CEP68: variants seen among roughly 807,000 people sequenced by gnomAD.
CEP68 encodes centrosomal protein 68, also known as centrosomal protein of 68 kDa.
Under a neutral mutation model 55.3 loss-of-function variants are expected in CEP68, and 26 were observed. That is an observed-to-expected ratio of 0.47 (90% CI 0.34 to 0.65). The LOEUF is 0.65. CEP68 is among the 30% of genes least tolerant of loss of function. CEP68 has a pLI of 0.01. For missense variants in CEP68, 957 were observed against 946.7 expected (o/e 1.01, Z -0.14); for synonymous variants, 402 against 383.2 (o/e 1.05, Z -0.57).
intron 3 of CEP68, chr2:65,073,948 G>A (rs556265860): frequency 6.5e-5 from 15 of 230,954 alleles, no homozygotes; most frequent in African/African-American, 1.4e-4. Context: ...AAACATGGAC[G>A]TATCTGGCTC....
rs1676359082 is a variant in CEP68 at position 65,069,592 on chromosome 2, G to A, written c.148G>A (p.Gly50Arg). Residue 50 changes from glycine (G) to arginine (R), a missense_variant, in exon 2 of 7, where the codon GGG becomes AGG. By Grantham distance (125) the Gly-to-Arg change is moderately radical. Transcript: ENST00000377990. ...GCCCCCACGCCTGGAAGCTGAGGGA[G>A]GGCTCATCTCCCCTGTATGGGGGGC... Reference protein sequence around the residue: ...EQPPRLEAEGGLISPVWGAEG... With the variant: ...EQPPRLEAEGRLISPVWGAEG... 6.2e-7 allele frequency: 1 copy of A among 1,613,818 alleles called. No homozygotes were observed. Among genetic ancestry groups the A allele is most frequent in the African/African-American group, 1.3e-5 (1 of 74,930 alleles).
At chr2:65,075,236 G>A (rs1435024059) in intron 4 of CEP68, 1 of 149,248 alleles carries the variant, frequency 6.7e-6, no homozygotes, top group Admixed American at 6.7e-5. Context: ...GGGCAATATA[G>A]TGAGACCTCG....
chr2:65,073,462 G>C, intron 3 of CEP68: 1 of 223,244 alleles, frequency 4.5e-6, no homozygotes, highest in Non-Finnish European at 9.0e-6. Context: ...CTGTTGCCTA[G>C]ACTTTGTGGC....
chr2:65,069,394 T>C lies in CEP68; in HGVS notation c.-46-5T>C, dbSNP rs1470673272. The C allele has an allele frequency of 7.4e-7, 1 of 1,354,686 alleles. No homozygotes were observed. The highest frequency in any genetic ancestry group is 1.0e-6 in the Non-Finnish European group (1 of 1,004,646). 83.9% of individuals were successfully genotyped at this position (1,354,686 alleles called of 1,614,324 possible). The stretch of plus-strand genomic sequence containing the variant: ...TATTTTTCTCTCCCTTCCCCTGTTT[T>C]GTAGGAAGCTGAAGTCTTCAGCAGA... On this transcript the variant is annotated splice_region_variant and splice_polypyrimidine_tract_variant and intron_variant, in intron 1 of 6. Transcript: ENST00000377990.
chr2:65,069,227 G>C (rs1676340810), intron 1 of CEP68, among the ~76,000 whole-genome samples, 172 bp from the exon 2 acceptor site: 1 of 152,234 alleles, frequency 6.6e-6, no homozygotes, highest in South Asian at 2.1e-4. Context: ...CCTTTGGAAA[G>C]GTCTGGGGCC....
chr2:65,075,775 AAGG>A (rs1405690779), intron 4 of CEP68, among the ~76,000 whole-genome samples: 1 of 152,174 alleles, frequency 6.6e-6, no homozygotes, highest in Non-Finnish European at 1.5e-5. Flanking sequence ...GCTAGTCTGG[AAGG>A]AGTTTTCTAA....
intron 1 of CEP68, among the ~76,000 whole-genome samples, chr2:65,058,191 C>CT (rs529296146): frequency 1.4e-4 from 21 of 152,264 alleles, no homozygotes; most frequent in African/African-American, 4.3e-4. Flanking sequence ...CAGGATCTCT[C>CT]TGTTTTTTGG....
In CEP68 at chr2:65,074,031, G is replaced by T. The variant is rs1037242007; in HGVS notation, c.1885-251G>T. 107 of 441,804 alleles carry T rather than the reference G, an allele frequency of 2.4e-4. 1 individual carries two copies. The highest frequency in any genetic ancestry group is 1.8e-4 in the Non-Finnish European group (44 of 241,232). The allele number at this position is 441,804 out of a possible 1,614,324, so 27.4% of individuals were successfully genotyped here. ...TCCATGGCAGGCACGCCTCTTCTGG[G>T]CTGCTCCATTCCTACCTGCAAGGCT... is the stretch of plus-strand genomic sequence containing the variant. On this transcript the variant is annotated intron_variant, in intron 3 of 6. Transcript: ENST00000377990.
intron 5 of CEP68, among the ~76,000 whole-genome samples, chr2:65,080,886 G>A (rs1038224877): frequency 6.6e-6 from 1 of 151,954 alleles, no homozygotes; most frequent in African/African-American, 2.4e-5. Flanking sequence ...CTGTGACATC[G>A]CACAAGAAGA....
intron 1 of CEP68, among the ~76,000 whole-genome samples, chr2:65,058,028 T>C (rs1172673219): frequency 6.6e-6 from 1 of 152,212 alleles, no homozygotes; most frequent in Non-Finnish European, 1.5e-5. Flanking sequence ...GTTATTAGGA[T>C]TAAATAAGAT....
At position 65,084,675 on chromosome 2, in the gene CEP68, CACAGTA is replaced by C. The variant is rs1668977123; in HGVS notation, c.*1045_*1050del. 1 of 152,144 alleles carries C rather than the reference CACAGTA, an allele frequency of 6.6e-6. No individual in the cohort carries two copies. The highest frequency in any genetic ancestry group is 6.6e-5 in the Admixed American group (1 of 15,262). The allele number at this position is 152,144 out of a possible 1,614,324, so 9.4% of individuals were successfully genotyped here. On this transcript the variant is annotated 3_prime_UTR_variant, in exon 7 of 7. Coordinates refer to ENST00000377990, the MANE Select transcript of CEP68 (RefSeq NM_015147.3). ...ATGAATGAACCTGGAAGGAGGAAAG[CACAGTA>C]ACAATGGAAACTAAAGTCCTATTAT...
intron 1 of CEP68, 45 bp downstream of exon 1, chr2:65,056,573 G>C (rs919796787): frequency 6.6e-6 from 1 of 150,396 alleles, no homozygotes; most frequent in East Asian, 2.0e-4. Flanking sequence ...GGGGTGCCGC[G>C]GCGCTGGGGG....
At chr2:65,069,330 A>G in intron 1 of CEP68, 69 bp from the exon 2 acceptor site, 1 of 839,170 alleles carries the variant, frequency 1.2e-6, no homozygotes, top group Non-Finnish European at 1.8e-6. Context: ...CTTAATTGTT[A>G]AAGAGCAAGA....
At chr2:65,074,767 C>A (rs181107141) in intron 4 of CEP68, 3,813 of 238,602 alleles carry the variant, frequency 0.016, 68 homozygotes, top group African/African-American at 0.028. Context: ...TAGCAAGACC[C>A]CCCCCCCTCA....
At chr2:65,057,685 G>A (rs902283586) in intron 1 of CEP68, among the ~76,000 whole-genome samples, 1 of 152,222 alleles carries the variant, frequency 6.6e-6, no homozygotes, top group Admixed American at 6.5e-5. Context: ...CAAAATCAGC[G>A]TGGTAGTCTA....
chr2:65,086,449 T>C lies in CEP68; in HGVS notation c.*2815T>C, dbSNP rs564199396. ...AGAACCACATTTATTGGCGTATACA[T>C]AGAAGCAAATCTTAAGGCATGCTGA... is the stretch of plus-strand genomic sequence containing the variant. On this transcript the variant is annotated 3_prime_UTR_variant, in exon 7 of 7. Transcript: ENST00000377990. 6.6e-6 allele frequency: 1 copy of C among 152,316 alleles called. No individual in the cohort carries two copies. Among genetic ancestry groups the C allele is most frequent in the South Asian group, 2.1e-4 (1 of 4,828 alleles). The allele number at this position is 152,316 out of a possible 1,614,324, so 9.4% of individuals were successfully genotyped here.
chr2:65,059,670 A>C (rs1268810740), intron 1 of CEP68, among the ~76,000 whole-genome samples: 1 of 152,200 alleles, frequency 6.6e-6, no homozygotes, highest in Non-Finnish European at 1.5e-5. Flanking sequence ...TTGTAAAGCT[A>C]TTTTAGTTGT....
At chr2:65,071,390 C>A (rs1676451065) in intron 2 of CEP68, 64 bp from the exon 3 acceptor site, 2 of 1,375,284 alleles carry the variant, frequency 1.5e-6, no homozygotes, top group African/African-American at 1.4e-5. Context: ...CCTGGGTTGT[C>A]ATCTAAGAAA....
chr2:65,069,858 C>T, intron 2 of CEP68, 57 bp downstream of exon 2: 2 of 1,440,432 alleles, frequency 1.4e-6, no homozygotes, highest in South Asian at 1.2e-5. Flanking sequence ...GGAGTTTGTT[C>T]AGGATTTCCT....
Sources: allele counts gnomAD v4.1 joint callset (sites outside exome capture counted in the v4.1 genomes callset), GRCh38; gene constraint gnomAD v4.1.1; transcripts MANE v1.5; gene names NCBI Gene and HGNC (gene_info 2026-07-23, HGNC 2026-07-21).